Variants in SNX24 observed in about 807,000 individuals in gnomAD.
The protein encoded by SNX24 is sorting nexin 24.
In SNX24, 22 loss-of-function variants were observed where a neutral mutation model predicts 28.7. The ratio of observed to expected loss-of-function variants is 0.77; its 90% confidence interval spans 0.55 to 1.10. The LOEUF (loss-of-function observed/expected upper bound fraction) is 1.10. Ranked by LOEUF, SNX24 falls within the 50% of genes least tolerant of loss-of-function variation. The probability of loss-of-function intolerance (pLI) is 0.00; values close to 1 mark genes in which losing one functional copy is unlikely to be tolerated. For synonymous variants in SNX24, 69 were observed against 71.5 expected (o/e 0.96, Z 0.18); for missense variants, 221 against 201.1 (o/e 1.10, Z -0.60).
chr5:122,910,918 T>G (rs1012847319), intron 1 of SNX24, among the ~76,000 whole-genome samples: 47 of 152,112 alleles, frequency 3.1e-4, no homozygotes, highest in African/African-American at 1.1e-3. Context: ...GAATAATGCC[T>G]CAATAAACAT....
chr5:122,853,441 CT>C (rs1340183246), intron 1 of SNX24, among the ~76,000 whole-genome samples: 8 of 152,032 alleles, frequency 5.3e-5, no homozygotes. Context: ...GTTCCTTACC[CT>C]TAAGGACAAG....
In SNX24 at chr5:122,979,966, G is replaced by T. The variant is rs368306134; in HGVS notation, c.250-19946G>T. On this transcript the variant is annotated intron_variant, in intron 3 of 6. Transcript: ENST00000261369. ...TGAATTTATAAACATTTTCCTTGAA[G>T]CTGTGTCCAACAATGACTTTATATC... is the stretch of plus-strand genomic sequence containing the variant. 1.8e-4 allele frequency among the ~76,000 whole-genome samples: 27 copies of T among 152,312 alleles called. No homozygotes were observed. In the East Asian group the frequency reaches 4.8e-3, roughly 27 times the overall value.
intron 3 of SNX24, among the ~76,000 whole-genome samples, chr5:122,985,208 T>G (rs1379631889): frequency 6.6e-6 from 1 of 152,192 alleles, no homozygotes; most frequent in Non-Finnish European, 1.5e-5. Flanking sequence ...TTGAGTCTTA[T>G]GTACATAGTC....
Position 123,001,121 on chromosome 5 carries a change from A to C in SNX24, c.345-284A>C, listed in dbSNP as rs116129070. 8.4e-3 allele frequency among the ~76,000 whole-genome samples: 1,280 copies of C among 152,332 alleles called. 20 individuals are homozygous for C. Among genetic ancestry groups the C allele is most frequent in the African/African-American group, 0.03 (1,227 of 41,568 alleles). ...TGTATTTTTTAGAATAGACATTAGC[A>C]ATGGCAGTGAGCGAAATGTTTTCTC... On this transcript the variant is annotated intron_variant, in intron 4 of 6. Coordinates refer to ENST00000261369, the MANE Select transcript of SNX24 (RefSeq NM_014035.4).
chr5:122,894,704 G>C (rs1757125173), intron 1 of SNX24, among the ~76,000 whole-genome samples: 1 of 152,230 alleles, frequency 6.6e-6, no homozygotes, highest in African/African-American at 2.4e-5. Flanking sequence ...CCCCTGAAGT[G>C]CTTACTGCTT....
At chr5:123,026,171 A>G (rs1762850115) in intron 5 of SNX24, among the ~76,000 whole-genome samples, 1 of 152,220 alleles carries the variant, frequency 6.6e-6, no homozygotes. Context: ...TAAAATGAAC[A>G]AAGAAAGCCT....
chr5:122,849,875 TAGG>T (rs1233429682), intron 1 of SNX24, among the ~76,000 whole-genome samples: 2 of 152,150 alleles, frequency 1.3e-5, no homozygotes, highest in African/African-American at 4.8e-5. Flanking sequence ...GTAATCTTCA[TAGG>T]AGGAGAGAAA....
chr5:122,906,267 A>AC (rs1449765456), intron 1 of SNX24, among the ~76,000 whole-genome samples: 1 of 152,114 alleles, frequency 6.6e-6, no homozygotes, highest in Non-Finnish European at 1.5e-5. Context: ...TACCTGGCTC[A>AC]CTCTGGGTTC....
intron 1 of SNX24, among the ~76,000 whole-genome samples, chr5:122,914,300 G>C (rs1363847889): frequency 6.6e-6 from 1 of 152,228 alleles, no homozygotes; most frequent in Non-Finnish European, 1.5e-5. Context: ...CGGTTTGCCA[G>C]TATTTTATTG....
intron 1 of SNX24, among the ~76,000 whole-genome samples, chr5:122,933,278 T>C (rs1210719775): frequency 1.3e-5 from 2 of 152,208 alleles, no homozygotes; most frequent in Non-Finnish European, 2.9e-5. Context: ...ACAGGCACCA[T>C]TGCCAGTTGC....
intron 3 of SNX24, among the ~76,000 whole-genome samples, chr5:122,956,734 G>T (rs115078142): frequency 0.024 from 3,712 of 152,214 alleles, 139 homozygotes; most frequent in African/African-American, 0.071. Flanking sequence ...GTACTGATGG[G>T]TGTGAGGTGG....
At position 122,981,343 on chromosome 5, in the gene SNX24, T is replaced by C. The variant is rs556853896; in HGVS notation, c.250-18569T>C. 2.8e-4 allele frequency among the ~76,000 whole-genome samples: 42 copies of C among 152,364 alleles called. No individual in the cohort carries two copies. In the East Asian group the frequency reaches 7.7e-3, roughly 28 times the overall value. ...CAGGAAAAATTTGGTCAGCATCTTC[T>C]AGTATTTAGCCAAATCCTCTGACAA... is the stretch of plus-strand genomic sequence containing the variant. On this transcript the variant is annotated intron_variant, in intron 3 of 6. Transcript: ENST00000261369.
chr5:123,009,897 T>C (rs1426968442), downstream of SNX24, among the ~76,000 whole-genome samples: 1 of 152,218 alleles, frequency 6.6e-6, no homozygotes, highest in Admixed American at 6.5e-5. Flanking sequence ...GTTAGGGGGC[T>C]GTGAGCGAAG....
chr5:123,001,692 C>A (rs1044383233), intron 5 of SNX24, among the ~76,000 whole-genome samples: 1 of 152,152 alleles, frequency 6.6e-6, no homozygotes, highest in Admixed American at 6.5e-5. Flanking sequence ...TTTAGGAAAT[C>A]ACGTTTCAGC....
At chr5:123,007,659 C>CTTTTTTTTTTTTTTTTTTTTTTCT in intron 6 of SNX24, 23 bp from the exon 7 acceptor site, 2 of 1,153,134 alleles carry the variant, frequency 1.7e-6, no homozygotes, top group Non-Finnish European at 1.2e-6. Flanking sequence ...TTTTTTTTTT[C>CTTTTTTTTTTTTTTTTTTTTTTCT]TTTTTTTTTT....
chr5:122,881,297 T>G (rs577234709), intron 1 of SNX24, among the ~76,000 whole-genome samples: 1 of 152,340 alleles, frequency 6.6e-6, no homozygotes, highest in East Asian at 1.9e-4. Flanking sequence ...GTTGCCTTTT[T>G]AGAGATATAT....
intron 5 of SNX24, among the ~76,000 whole-genome samples, chr5:123,014,814 C>A (rs1192355458): frequency 1.3e-5 from 2 of 152,210 alleles, no homozygotes; most frequent in Non-Finnish European, 2.9e-5. Flanking sequence ...TGCTTACTGG[C>A]AACAGTGGCC....
At chr5:122,946,626 G>T (rs1477270515) in intron 3 of SNX24, among the ~76,000 whole-genome samples, 1 of 152,156 alleles carries the variant, frequency 6.6e-6, no homozygotes, top group African/African-American at 2.4e-5. Context: ...CGATGATGAA[G>T]TGCCAACCTC....
chr5:122,927,304 C>T (rs890068581), intron 1 of SNX24, among the ~76,000 whole-genome samples: 8 of 152,278 alleles, frequency 5.3e-5, no homozygotes, highest in East Asian at 1.9e-4. Context: ...AACTCCTAAC[C>T]GCTGCGTTAT....
Sources: allele counts gnomAD v4.1 joint callset (sites outside exome capture counted in the v4.1 genomes callset), GRCh38; gene constraint gnomAD v4.1.1; transcripts MANE v1.5; gene names NCBI Gene and HGNC (gene_info 2026-07-23, HGNC 2026-07-21).